CNTN5: variants seen among roughly 807,000 people sequenced by gnomAD.
CNTN5 encodes the protein contactin 5, also known as contactin-5.
Under a neutral mutation model 129.1 loss-of-function variants are expected in CNTN5, and 77 were observed. The ratio of observed to expected loss-of-function variants is 0.60; its 90% CI spans 0.50 to 0.72. The LOEUF is 0.72. Among genes scored for constraint, CNTN5 ranks in the 30% least tolerant of loss-of-function variants. The probability of loss-of-function intolerance (pLI) is 0.00; values close to 1 mark genes in which losing one functional copy is unlikely to be tolerated. For synonymous variants in CNTN5, 509 were observed against 465.6 expected (o/e 1.09, Z -1.20); for missense variants, 1,478 against 1,328.8 (o/e 1.11, Z -1.75).
chr11:99,437,015 T>A (rs1384690790), intron 2 of CNTN5, among the ~76,000 whole-genome samples: 1 of 152,192 alleles, frequency 6.6e-6, no homozygotes, highest in African/African-American at 2.4e-5. Context: ...GAACTCCAAC[T>A]GTCTATGTCC....
At chr11:99,658,738 A>G (rs765071788) in intron 3 of CNTN5, among the ~76,000 whole-genome samples, 63 of 145,774 alleles carry the variant, frequency 4.3e-4, no homozygotes, top group Non-Finnish European at 2.0e-4. Context: ...TATATATAAA[A>G]TTAGCCAGGC....
chr11:100,031,282 A>G (rs1941694741), intron 9 of CNTN5, among the ~76,000 whole-genome samples: 1 of 152,210 alleles, frequency 6.6e-6, no homozygotes, highest in Non-Finnish European at 1.5e-5. Flanking sequence ...GGGATTGTGT[A>G]AAGACAATGC....
At chr11:99,990,219 C>A (rs756600282) in intron 8 of CNTN5, among the ~76,000 whole-genome samples, 1 of 152,058 alleles carries the variant, frequency 6.6e-6, no homozygotes, top group African/African-American at 2.4e-5. Context: ...GAATATATTT[C>A]TCTAAATCAT....
At chr11:99,739,713 C>G (rs1943829611) in intron 3 of CNTN5, among the ~76,000 whole-genome samples, 1 of 152,122 alleles carries the variant, frequency 6.6e-6, no homozygotes, top group African/African-American at 2.4e-5. Context: ...AGATTTCTTA[C>G]CAAGTCAATT....
intron 7 of CNTN5, among the ~76,000 whole-genome samples, chr11:99,926,433 T>C (rs939873316): frequency 6.6e-6 from 1 of 152,164 alleles, no homozygotes; most frequent in African/African-American, 2.4e-5. Flanking sequence ...CCAGAAATTG[T>C]TCCTTTAAAG....
At chr11:99,117,842 A>G (rs1421898616) in intron 1 of CNTN5, among the ~76,000 whole-genome samples, 2 of 152,202 alleles carry the variant, frequency 1.3e-5, no homozygotes, top group Non-Finnish European at 2.9e-5. Flanking sequence ...CACCCTCTTC[A>G]GGAATCAAAT....
At chr11:99,683,469 T>C (rs1037036091) in intron 3 of CNTN5, among the ~76,000 whole-genome samples, 2 of 151,938 alleles carry the variant, frequency 1.3e-5, no homozygotes, top group African/African-American at 4.8e-5. Context: ...AATTTATAGA[T>C]TTTTAATTTT....
At chr11:99,209,633 A>G (rs1859665233) in intron 1 of CNTN5, among the ~76,000 whole-genome samples, 1 of 152,208 alleles carries the variant, frequency 6.6e-6, no homozygotes, top group Admixed American at 6.5e-5. Flanking sequence ...ACAAACATCA[A>G]AACCATATCA....
intron 13 of CNTN5, among the ~76,000 whole-genome samples, chr11:100,099,639 GTCTTTC>G (rs1259474351): frequency 1.3e-5 from 2 of 151,584 alleles, no homozygotes; most frequent in Non-Finnish European, 2.9e-5. Context: ...TTTGTGATTA[GTCTTTC>G]TCTTTCTAGA....
intron 1 of CNTN5, among the ~76,000 whole-genome samples, chr11:99,285,019 A>T (rs1565462279): frequency 1.3e-5 from 2 of 151,966 alleles, no homozygotes; most frequent in Non-Finnish European, 2.9e-5. Context: ...TATTTTTAAA[A>T]TTTTTTATAA....
At chr11:99,496,172 C>T (rs1052259130) in intron 2 of CNTN5, among the ~76,000 whole-genome samples, 5 of 152,272 alleles carry the variant, frequency 3.3e-5, no homozygotes, top group Admixed American at 2.6e-4. Context: ...AGTAATCATG[C>T]ATCTATTTTT....
chr11:100,348,538 G>A (rs1952335995), intron 23 of CNTN5, among the ~76,000 whole-genome samples: 1 of 151,758 alleles, frequency 6.6e-6, no homozygotes, highest in East Asian at 1.9e-4. Context: ...ATTTTTCTTT[G>A]TCATAAGAAA....
chr11:99,956,527 TATC>T (rs72125361), intron 7 of CNTN5, among the ~76,000 whole-genome samples: 8,219 of 152,284 alleles, frequency 0.054, 253 homozygotes, highest in Non-Finnish European at 0.074. Flanking sequence ...TTTTCAGTGT[TATC>T]ATAGTTCTGA....
At chr11:100,348,152 G>T (rs1952328823) in intron 23 of CNTN5, among the ~76,000 whole-genome samples, 1 of 151,422 alleles carries the variant, frequency 6.6e-6, no homozygotes, top group Non-Finnish European at 1.5e-5. Flanking sequence ...ATCTATAAAT[G>T]TCCATATTCT....
chr11:99,104,069 T>G (rs1246781805), intron 1 of CNTN5, among the ~76,000 whole-genome samples: 1 of 152,162 alleles, frequency 6.6e-6, no homozygotes. Flanking sequence ...GTTTGATCAG[T>G]AAATGCATAG....
chr11:99,872,596 A>G (rs1346835590), intron 6 of CNTN5, among the ~76,000 whole-genome samples: 1 of 152,120 alleles, frequency 6.6e-6, no homozygotes. Context: ...AAAAATCTGT[A>G]TCTGCTAGCA....
At chr11:99,941,732 G>A (rs1213221192) in intron 7 of CNTN5, among the ~76,000 whole-genome samples, 1 of 152,026 alleles carries the variant, frequency 6.6e-6, no homozygotes, top group Non-Finnish European at 1.5e-5. Context: ...AGGTAACTGG[G>A]GAATGCGTGT....
rs149198950 is a variant in CNTN5, at chr11:100,055,182, C to A, written c.981-6030C>A. Among the ~76,000 whole-genome samples, 581 of 151,398 alleles carry A rather than the reference C, an allele frequency of 3.8e-3. 5 individuals carry two copies. Among genetic ancestry groups the A allele is most frequent in the African/African-American group, 0.013 (544 of 41,420 alleles). ...CTTTTCTACTATTTTATGATTTTGTCATTAATTTCAGTATTTATTTCTAAA... is the reference window on the plus strand; with the variant it reads ...CTTTTCTACTATTTTATGATTTTGTAATTAATTTCAGTATTTATTTCTAAA... On this transcript the variant is annotated intron_variant, in intron 9 of 24. Coordinates refer to ENST00000524871, the MANE Select transcript of CNTN5 (RefSeq NM_014361.4).
At chr11:100,311,118 C>T (rs1263590311) in intron 21 of CNTN5, among the ~76,000 whole-genome samples, 1 of 151,886 alleles carries the variant, frequency 6.6e-6, no homozygotes, top group African/African-American at 2.4e-5. Flanking sequence ...AGCAGAGGGG[C>T]AGCTGTTCCA....
Sources: allele counts gnomAD v4.1 joint callset (sites outside exome capture counted in the v4.1 genomes callset), GRCh38; gene constraint gnomAD v4.1.1; transcripts MANE v1.5; gene names NCBI Gene and HGNC (gene_info 2026-07-23, HGNC 2026-07-21).